Variants in MMP26 observed in about 807,000 individuals in gnomAD.
MMP26 encodes matrix metallopeptidase 26.
Under a neutral mutation model 31.0 loss-of-function variants are expected in MMP26, and 33 were observed. The observed-to-expected ratio is 1.06, with a 90% CI of 0.81 to 1.42. The LOEUF (loss-of-function observed/expected upper bound fraction) is 1.42. Ranked by LOEUF, MMP26 falls within the 40% of genes most tolerant of loss-of-function variation. The probability of loss-of-function intolerance (pLI) is 0.00; values close to 1 mark genes in which losing one functional copy is unlikely to be tolerated. For synonymous variants in MMP26, 122 were observed against 114.9 expected, an observed-to-expected ratio of 1.06 and a Z score of -0.40; for missense variants, 347 against 316.1, an observed-to-expected ratio of 1.10 and a Z score of -0.74.
chr11:4,729,714 C>A (rs1295392058), intron 1 of MMP26, among the ~76,000 whole-genome samples: 1 of 151,442 alleles, frequency 6.6e-6, no homozygotes, highest in African/African-American at 2.4e-5. Context: ...ATGATTTAAC[C>A]TAACAGGTGT....
At chr11:4,760,632 G>A (rs1014275043) in intron 1 of MMP26, among the ~76,000 whole-genome samples, 1 of 152,124 alleles carries the variant, frequency 6.6e-6, no homozygotes, top group African/African-American at 2.4e-5. Flanking sequence ...CATTTTTCAG[G>A]TGAGGTTAGA....
rs1850210645 is a variant in MMP26 at position 4,864,687 on chromosome 11, T to C, written c.-145+97346T>C. 1.3e-5 allele frequency among the ~76,000 whole-genome samples: 2 copies of C among 152,072 alleles called. 1 individual carries two copies. The highest frequency in any genetic ancestry group is 4.1e-4 in the South Asian group (2 of 4,824). ...CTTCTGTCTGAAATACTGTTGGGGA[T>C]AGAACTAAAAACACACAAAATGCTT... On this transcript the variant is annotated intron_variant, in intron 2 of 7. Coordinates refer to ENST00000380390, the MANE Select transcript of MMP26 (RefSeq NM_021801.5).
chr11:4,975,060 G>A (rs1846718896), intron 2 of MMP26, among the ~76,000 whole-genome samples: 1 of 151,928 alleles, frequency 6.6e-6, no homozygotes. Flanking sequence ...CCTGGCACAA[G>A]TTTACCTATG....
intron 2 of MMP26, among the ~76,000 whole-genome samples, chr11:4,909,726 A>G (rs1376361016): frequency 6.6e-6 from 1 of 152,122 alleles, no homozygotes; most frequent in Non-Finnish European, 1.5e-5. Flanking sequence ...CTCTGGTCAT[A>G]GCTATTTGAA....
chr11:4,759,363 C>T (rs1431755627), intron 1 of MMP26, among the ~76,000 whole-genome samples: 1 of 152,084 alleles, frequency 6.6e-6, no homozygotes, highest in Non-Finnish European at 1.5e-5. Context: ...CTTAAGACTT[C>T]ATTTCCTTTC....
At chr11:4,759,707 T>C (rs7938025) in intron 1 of MMP26, among the ~76,000 whole-genome samples, 5 of 151,986 alleles carry the variant, frequency 3.3e-5, no homozygotes, top group African/African-American at 1.2e-4. Context: ...GAGAAACAAC[T>C]TCTATGTTTT....
intron 2 of MMP26, chr11:4,914,157 G>T (rs1403695449): frequency 1.3e-5 from 2 of 152,414 alleles, no homozygotes; most frequent in African/African-American, 4.8e-5. Flanking sequence ...CTCATTGGTG[G>T]TTAACACTGA....
At chr11:4,986,905 T>TTCTCTCTCTCTCTCTCTC (rs71050445) in intron 2 of MMP26, among the ~76,000 whole-genome samples, 2 of 48,644 alleles carry the variant, frequency 4.1e-5, no homozygotes, top group Non-Finnish European at 3.9e-5. Flanking sequence ...CTTCCTTCCT[T>TTCTCTCTCTCTCTCTCTC]TCTCTCTCTC....
Position 4,804,811 on chromosome 11 carries a change from A to C in MMP26, c.-145+37470A>C, listed in dbSNP as rs530352298. ...AATACAAAAACAAAACAAAACAAAA[A>C]AAAACCCCATTAGCCAGGCATGGTA... On this transcript the variant is annotated intron_variant, in intron 2 of 7. Transcript: ENST00000380390. 1.5e-4 allele frequency among the ~76,000 whole-genome samples: 22 copies of C among 151,724 alleles called. 1 individual carries two copies. Among genetic ancestry groups the C allele is most frequent in the East Asian group, 1.2e-3 (6 of 5,140 alleles).
chr11:4,972,507 T>A (rs1249476816), intron 2 of MMP26, among the ~76,000 whole-genome samples: 1 of 152,220 alleles, frequency 6.6e-6, no homozygotes, highest in Non-Finnish European at 1.5e-5. Context: ...ATTGCCCATC[T>A]TAATTTCAAT....
rs748095209 is a variant in MMP26, at chr11:4,848,876, A to G, written c.-145+81535A>G. The G allele has an allele frequency of 5.0e-6, 8 of 1,614,220 alleles. No individual in the cohort carries two copies. In the Middle Eastern group the frequency reaches 1.2e-3, roughly 233 times the overall value. On this transcript the variant is annotated intron_variant, in intron 2 of 7. Transcript: ENST00000380390. The stretch of plus-strand genomic sequence containing the variant: ...ACTCCATGACAGAAAAGACATGGAT[A>G]AAAACCATCTGTAGAAGGCAGGCTG...
intron 2 of MMP26, among the ~76,000 whole-genome samples, chr11:4,827,600 A>G (rs1054480088): frequency 1.3e-5 from 2 of 151,908 alleles, no homozygotes; most frequent in Admixed American, 6.6e-5. Context: ...CTAAGTTTAC[A>G]CCCTTTTATG....
intron 2 of MMP26, among the ~76,000 whole-genome samples, chr11:4,895,575 G>T (rs762273353): frequency 2.3e-4 from 35 of 152,182 alleles, no homozygotes; most frequent in Non-Finnish European, 4.4e-4. Context: ...TGATTTCTGA[G>T]ATGAACAATA....
At chr11:4,715,484 A>C (rs1480403993) in intron 1 of MMP26, among the ~76,000 whole-genome samples, 1 of 152,180 alleles carries the variant, frequency 6.6e-6, no homozygotes, top group African/African-American at 2.4e-5. Flanking sequence ...GTGGATCTAA[A>C]ATTTTTTGTC....
intron 1 of MMP26, among the ~76,000 whole-genome samples, chr11:4,720,777 C>G (rs974182766): frequency 2.0e-5 from 3 of 152,182 alleles, no homozygotes; most frequent in Non-Finnish European, 4.4e-5. Flanking sequence ...AAGAGCCAAC[C>G]TTGCAGGAAA....
At chr11:4,974,225 T>C (rs1846705421) in intron 2 of MMP26, among the ~76,000 whole-genome samples, 1 of 152,080 alleles carries the variant, frequency 6.6e-6, no homozygotes, top group Non-Finnish European at 1.5e-5. Context: ...AAACTTTTGC[T>C]TTTTAATATA....
intron 1 of MMP26, among the ~76,000 whole-genome samples, chr11:4,755,496 C>T (rs1848494792): frequency 6.6e-6 from 1 of 151,942 alleles, no homozygotes; most frequent in Non-Finnish European, 1.5e-5. Flanking sequence ...GGATTTTAGT[C>T]TTGTATCAGA....
Position 4,773,934 on chromosome 11 carries a change from C to A in MMP26, c.-145+6593C>A, listed in dbSNP as rs192577955. Among the ~76,000 whole-genome samples the A allele has an allele frequency of 4.6e-5, 7 of 152,216 alleles. No homozygotes were observed. The East Asian group carries it at 1.4e-3, about 29-fold the overall frequency. ...ATGAGTTTGCTGAGGATAATGTCTT[C>A]CAGCCTCATCCATGTCCCTGAAAAG... is the stretch of plus-strand genomic sequence containing the variant. On this transcript the variant is annotated intron_variant, in intron 2 of 7. Transcript: ENST00000380390.
chr11:4,885,488 G>A (rs1314388992), intron 2 of MMP26, among the ~76,000 whole-genome samples: 1 of 152,052 alleles, frequency 6.6e-6, no homozygotes, highest in African/African-American at 2.4e-5. Flanking sequence ...TTGTGTTACA[G>A]TTACCTCAGT....
Sources: gnomAD v4.1 joint callset for allele counts (sites outside exome capture counted in the v4.1 genomes callset) on GRCh38, gnomAD v4.1.1 for gene constraint, MANE v1.5 for transcripts, NCBI Gene and HGNC (gene_info 2026-07-23, HGNC 2026-07-21) for gene names.